The following ZNF350 variants were observed in gnomAD, a reference collection of about 807,000 sequenced individuals.
The protein encoded by ZNF350 is KRAB zinc finger protein ZFQR.
A neutral mutation model predicts 13.1 loss-of-function variants in ZNF350; 5 were observed. The ratio of observed to expected loss-of-function variants is 0.38; its 90% CI spans 0.20 to 0.80. The LOEUF is 0.80. ZNF350 is among the 30% of genes least tolerant of loss of function. The pLI, the probability that ZNF350 is intolerant of heterozygous loss-of-function variation, is 0.43. For synonymous variants in ZNF350, 199 were observed against 224.2 expected (o/e 0.89, Z 1.00); for missense variants, 534 against 644.2 (o/e 0.83, Z 1.85).
Position 51,965,723 on chromosome 19 carries a change from A to C in ZNF350, c.730T>G (p.Ser244Ala). 1.2e-6 allele frequency: 2 copies of C among 1,613,962 alleles called. No homozygotes were observed. Among genetic ancestry groups the C allele is most frequent in the Middle Eastern group, 1.7e-4 (1 of 6,060 alleles). Residue 244 changes from serine to alanine, a missense_variant, in exon 5 of 5, where the codon TCC (serine) becomes GCC (alanine). Transcript: ENST00000243644. ...TGTTCAGTAAGCATGAACTTTCTGG[A>C]GAAGGCTTTCTCACATAGACTACAT... ...HRCSLCEKAF[S>A]RKFMLTEHQR...
chr19:51,986,141 C>G (rs746847047), intron 1 of ZNF350, among the ~76,000 whole-genome samples: 1 of 152,162 alleles, frequency 6.6e-6, no homozygotes, highest in Non-Finnish European at 1.5e-5. Flanking sequence ...AATATATAAT[C>G]GGAGGGTATG....
Position 51,964,606 on chromosome 19 carries a change from A to G in ZNF350, c.*248T>C, listed in dbSNP as rs2085512958. 2.0e-6 allele frequency: 1 copy of G among 507,746 alleles called. No homozygotes were observed. Among genetic ancestry groups the G allele is most frequent in the Non-Finnish European group, 3.5e-6 (1 of 288,938 alleles). 31.5% of individuals were successfully genotyped at this position (507,746 alleles called of 1,614,324 possible). A position where few individuals can be genotyped will look rare whatever the true frequency, so the allele number is the denominator to read the frequency against. ...CTCATCTGTTTTAAAAATTCACAGT[A>G]CTTCATTTCCTCCACTTAAAAGTAC... On this transcript the variant is annotated 3_prime_UTR_variant, in exon 5 of 5. Transcript: ENST00000243644.
Position 51,966,175 on chromosome 19 carries a change from C to G in ZNF350, c.278G>C (p.Ser93Thr). 6.2e-7 allele frequency: 1 copy of G among 1,608,316 alleles called. No individual in the cohort carries two copies. Among genetic ancestry groups the G allele is most frequent in the Non-Finnish European group, 8.5e-7 (1 of 1,177,904 alleles). ...KVDHVLERLQ[S>T]ESLVNRRKPC... ...TTTCCTTCTGTTCACCAGGCTTTCACTCTGCAAGCGCTCCAGCACATGATC... is the reference window on the plus strand; with the variant it reads ...TTTCCTTCTGTTCACCAGGCTTTCAGTCTGCAAGCGCTCCAGCACATGATC... The change falls in exon 5 of 5, where the codon AGT becomes ACT. Residue 93 changes from serine to threonine, a missense_variant. By Grantham distance (58) the Ser-to-Thr change is moderately conservative. Transcript: ENST00000243644.
rs1034305439 is a variant in ZNF350, at chr19:51,969,191, A to G, written c.16-60T>C. 21 of 1,583,218 alleles carry G rather than the reference A, an allele frequency of 1.3e-5. No homozygotes were observed. The African/African-American group carries it at 2.4e-4, about 18-fold the overall frequency. On this transcript the variant is annotated intron_variant, in intron 2 of 4. Coordinates refer to ENST00000243644, the MANE Select transcript of ZNF350 (RefSeq NM_021632.4). The stretch of plus-strand genomic sequence containing the variant: ...TTTTTGATGATGTGGAAGAAATGCT[A>G]AAGTTTTTCTGCTCATTTCCACTCT...
intron 4 of ZNF350, 171 bp downstream of exon 4, chr19:51,968,405 GTT>G: frequency 1.6e-6 from 1 of 629,980 alleles, no homozygotes; most frequent in Non-Finnish European, 2.8e-6. Context: ...TTTTTGTTTT[GTT>G]TTGTTTTTTT....
chr19:51,969,243 T>G (rs1449425906), intron 2 of ZNF350, 112 bp from the exon 3 acceptor site: 1 of 1,041,012 alleles, frequency 9.6e-7, no homozygotes. Flanking sequence ...TACCAAATAG[T>G]TTTTTTTTTA....
In ZNF350 at chr19:51,965,391, G is replaced by GAATGA. The variant is rs746311074; in HGVS notation, c.1061_1062insTCATT (p.Cys355HisfsTer121). 68 of 1,614,156 alleles carry GAATGA rather than the reference G, an allele frequency of 4.2e-5. No homozygotes were observed. The African/African-American group carries it at 8.9e-4, about 21-fold the overall frequency. On this transcript the variant is annotated frameshift_variant, in exon 5 of 5. Transcript: ENST00000243644. LOFTEE classifies it low-confidence loss of function (END_TRUNC). The stretch of plus-strand genomic sequence containing the variant: ...TAATGAGACCTGATTTCTGAGAACA[G>GAATGA]GATTTTCCACATTCACTGCACACAA...
At chr19:51,979,113 A>C (rs753375228) in intron 1 of ZNF350, among the ~76,000 whole-genome samples, 13 of 152,114 alleles carry the variant, frequency 8.5e-5, no homozygotes, top group South Asian at 2.1e-4. Flanking sequence ...AAAGATGGAG[A>C]GAAGGCCAAC....
chr19:51,977,948 A>T (rs2122935542), intron 1 of ZNF350, among the ~76,000 whole-genome samples: 1 of 152,324 alleles, frequency 6.6e-6, no homozygotes, highest in East Asian at 1.9e-4. Context: ...ATTGTGGAAA[A>T]ACTGGACATC....
intron 4 of ZNF350, 136 bp downstream of exon 4, chr19:51,968,442 A>G: frequency 1.4e-6 from 1 of 739,068 alleles, no homozygotes; most frequent in Non-Finnish European, 2.3e-6. Flanking sequence ...CTACAAAGAA[A>G]AACTGGTCTC....
intron 1 of ZNF350, among the ~76,000 whole-genome samples, chr19:51,975,949 G>A (rs2085882158): frequency 6.6e-6 from 1 of 152,220 alleles, no homozygotes; most frequent in African/African-American, 2.4e-5. Flanking sequence ...AGATCAAACA[G>A]CAAACTGTTT....
At chr19:51,979,576 C>A (rs1005767911) in intron 1 of ZNF350, among the ~76,000 whole-genome samples, 1 of 152,190 alleles carries the variant, frequency 6.6e-6, no homozygotes, top group Admixed American at 6.5e-5. Flanking sequence ...CTTATTAGGT[C>A]TTGGTTCTAT....
At chr19:51,972,843 A>C (rs1245808083) in intron 2 of ZNF350, 1 of 152,052 alleles carries the variant, frequency 6.6e-6, no homozygotes, top group Non-Finnish European at 1.5e-5. Flanking sequence ...AATATAGACA[A>C]GGTCTCACTA....
chr19:51,965,016 G>A lies in ZNF350; in HGVS notation c.1437C>T (p.Leu479=), dbSNP rs749403286. ...CCACAAGGACTACGTTCCTGTTTGC[G>A]AGGAGGCCGCTGATGTTTAATGATG... is the stretch of plus-strand genomic sequence containing the variant. ...PQTSLNISGL[L]ANRNVVLVGQ... is the part of the protein sequence containing the mutation. Residue 479 remains leucine (L), a synonymous_variant, in exon 5 of 5, where the codon CTC becomes CTT. Transcript: ENST00000243644. The A allele has an allele frequency of 6.2e-6, 10 of 1,614,018 alleles. No individual in the cohort carries two copies. In the East Asian group the frequency reaches 1.1e-4, roughly 18 times the overall value.
At chr19:51,977,594 G>C (rs1014661206) in intron 1 of ZNF350, among the ~76,000 whole-genome samples, 1 of 152,218 alleles carries the variant, frequency 6.6e-6, no homozygotes, top group African/African-American at 2.4e-5. Context: ...ATCCTGAAGA[G>C]GGAGTCCCTG....
intron 2 of ZNF350, among the ~76,000 whole-genome samples, chr19:51,972,120 C>G (rs1415524764): frequency 6.6e-6 from 1 of 151,788 alleles, no homozygotes. Context: ...TCAGCATAAG[C>G]AAGTGGGAAT....
At chr19:51,980,065 G>A (rs1403386672) in intron 1 of ZNF350, among the ~76,000 whole-genome samples, 2 of 152,198 alleles carry the variant, frequency 1.3e-5, no homozygotes, top group African/African-American at 4.8e-5. Context: ...TGTTGCATTT[G>A]TAAAGAATAT....
chr19:51,986,142 G>C, intron 1 of ZNF350, among the ~76,000 whole-genome samples: 1 of 152,148 alleles, frequency 6.6e-6, no homozygotes, highest in Non-Finnish European at 1.5e-5. Context: ...ATATATAATC[G>C]GAGGGTATGA....
chr19:51,980,133 G>T (rs1450212513), intron 1 of ZNF350, among the ~76,000 whole-genome samples: 2 of 152,216 alleles, frequency 1.3e-5, no homozygotes, highest in Non-Finnish European at 2.9e-5. Flanking sequence ...CAGCTAAGAA[G>T]AACCAGCTTC....
Sources: gnomAD v4.1 joint callset for allele counts (sites outside exome capture counted in the v4.1 genomes callset) on GRCh38, gnomAD v4.1.1 for gene constraint, MANE v1.5 for transcripts, NCBI Gene and HGNC (gene_info 2026-07-23, HGNC 2026-07-21) for gene names.